Variants in DAB1 observed in about 807,000 individuals in gnomAD.
DAB1 encodes DAB adaptor protein 1.
DAB1 carries 15 observed loss-of-function variants against 64.6 expected under a neutral mutation model. The observed-to-expected ratio is 0.23, with a 90% CI of 0.16 to 0.36. The LOEUF (loss-of-function observed/expected upper bound fraction) is 0.36, where lower values mean the gene tolerates loss of function less well. Among genes scored for constraint, DAB1 ranks in the 10% least tolerant of loss-of-function variants. The pLI, the probability that DAB1 is intolerant of heterozygous loss-of-function variation, is 1.00. For missense variants in DAB1, 596 were observed against 706.7 expected, an observed-to-expected ratio of 0.84 and a Z score of 1.78; for synonymous variants, 235 against 251.9, an observed-to-expected ratio of 0.93 and a Z score of 0.64.
At position 57,129,986 on chromosome 1, in the gene DAB1, G is replaced by T. The variant is rs141568855; in HGVS notation, c.306+6557C>A. ...GATTAGCATCTGTGTCACATGCCAG[G>T]GTTTCCTATGCCAGGCCTGGCCGAT... is the stretch of plus-strand genomic sequence containing the variant. On this transcript the variant is annotated intron_variant, in intron 4 of 14. Coordinates refer to ENST00000371236, the MANE Select transcript of DAB1 (RefSeq NM_001365792.1). Among the ~76,000 whole-genome samples, 792 of 151,854 alleles carry T rather than the reference G, an allele frequency of 5.2e-3. 2 individuals carry two copies. Among genetic ancestry groups the T allele is most frequent in the South Asian group, 0.011 (51 of 4,800 alleles).
intron 7 of DAB1, among the ~76,000 whole-genome samples, chr1:57,520,592 A>G (rs993350155): frequency 6.6e-6 from 1 of 152,160 alleles, no homozygotes; most frequent in Non-Finnish European, 1.5e-5. Context: ...TATTTGAAAA[A>G]AATGTCTATT....
intron 3 of DAB1, among the ~76,000 whole-genome samples, chr1:58,482,268 T>C (rs991401686): frequency 6.6e-6 from 1 of 152,112 alleles, no homozygotes; most frequent in African/African-American, 2.4e-5. Flanking sequence ...AAATTGAAGT[T>C]AGAATGTAGC....
At chr1:57,751,880 C>T (rs1430082484) in intron 6 of DAB1, among the ~76,000 whole-genome samples, 1 of 149,550 alleles carries the variant, frequency 6.7e-6, no homozygotes, top group Non-Finnish European at 1.5e-5. Flanking sequence ...CCTGTTTCCT[C>T]CCTGGAGAAT....
chr1:58,303,668 G>A (rs1662225252), intron 4 of DAB1, among the ~76,000 whole-genome samples: 1 of 152,182 alleles, frequency 6.6e-6, no homozygotes. Context: ...GCAGGACTGA[G>A]CCTCCAGGTG....
chr1:57,551,805 GC>G (rs1358978321), intron 7 of DAB1, among the ~76,000 whole-genome samples: 9 of 152,104 alleles, frequency 5.9e-5, no homozygotes, highest in Admixed American at 5.9e-4. Context: ...TAATTTACAA[GC>G]AAAAAGTGTC....
chr1:57,598,652 G>A (rs1252200754), intron 7 of DAB1, among the ~76,000 whole-genome samples: 1 of 152,158 alleles, frequency 6.6e-6, no homozygotes, highest in Non-Finnish European at 1.5e-5. Context: ...TGGTGGGCTG[G>A]CTGTATGGGC....
At chr1:57,485,347 G>A (rs1467991666) in intron 7 of DAB1, among the ~76,000 whole-genome samples, 2 of 152,160 alleles carry the variant, frequency 1.3e-5, no homozygotes, top group Non-Finnish European at 2.9e-5. Flanking sequence ...AACTCTGAAT[G>A]TATTACTTAC....
intron 6 of DAB1, among the ~76,000 whole-genome samples, chr1:57,690,701 G>GT (rs1213536011): frequency 6.6e-6 from 1 of 152,076 alleles, no homozygotes; most frequent in South Asian, 2.1e-4. Flanking sequence ...CCGATTTTTA[G>GT]TTTTTTTAAG....
intron 6 of DAB1, among the ~76,000 whole-genome samples, chr1:57,707,147 G>A (rs1052694481): frequency 6.6e-6 from 1 of 151,858 alleles, no homozygotes; most frequent in Middle Eastern, 3.4e-3. Context: ...CCATCCTCAC[G>A]CCCTCCTACC....
chr1:57,555,628 A>T (rs1644979622), intron 7 of DAB1, among the ~76,000 whole-genome samples: 1 of 152,152 alleles, frequency 6.6e-6, no homozygotes, highest in Admixed American at 6.5e-5. Flanking sequence ...CAGAGAAAGG[A>T]AAAGCCATGG....
At chr1:57,494,626 G>A (rs1644207911) in intron 7 of DAB1, among the ~76,000 whole-genome samples, 1 of 152,150 alleles carries the variant, frequency 6.6e-6, no homozygotes, top group African/African-American at 2.4e-5. Context: ...GTATAAGTAG[G>A]CAAACATCTT....
chr1:57,483,333 T>C (rs1385308409), intron 7 of DAB1, among the ~76,000 whole-genome samples: 1 of 152,162 alleles, frequency 6.6e-6, no homozygotes, highest in East Asian at 1.9e-4. Flanking sequence ...GGGGTGGTTT[T>C]CTCATACTAT....
Position 57,245,998 on chromosome 1 carries a change from AC to A in DAB1, c.67+44965del, listed in dbSNP as rs1286227729. ...AAGAAAGAGATGGTCTGAAATAGGA[AC>A]TTATATTTAAAAGGGAAGAAGAGCA... is the stretch of plus-strand genomic sequence containing the variant. On this transcript the variant is annotated intron_variant, in intron 2 of 14. Transcript: ENST00000371236. 1.1e-4 allele frequency among the ~76,000 whole-genome samples: 16 copies of A among 152,320 alleles called. 1 individual carries two copies. The highest frequency in any genetic ancestry group is 3.8e-4 in the African/African-American group (16 of 41,586).
chr1:58,518,289 A>G (rs1170656922), intron 2 of DAB1, among the ~76,000 whole-genome samples: 16 of 26,540 alleles, frequency 6.0e-4, no homozygotes, highest in Non-Finnish European at 9.7e-4. Flanking sequence ...AGAAGAGAAG[A>G]GAAGAGAAGA....
rs180704090 is a variant in DAB1 at position 57,976,128 on chromosome 1, C to T, written n.388-91966G>A. On this transcript the variant is annotated intron_variant and non_coding_transcript_variant, in intron 5 of 20. Coordinates refer to the DAB1 transcript ENST00000485760. The stretch of plus-strand genomic sequence containing the variant: ...CCTTGGGACCAGGAGCTTCAGACTT[C>T]GTGGACTAGGTTGAAATTTTAAAGA... 5.3e-5 allele frequency among the ~76,000 whole-genome samples: 8 copies of T among 152,270 alleles called. No homozygotes were observed. In the East Asian group the frequency reaches 1.2e-3, roughly 22 times the overall value.
chr1:57,538,463 C>A (rs1428490327), intron 7 of DAB1, among the ~76,000 whole-genome samples: 2 of 152,150 alleles, frequency 1.3e-5, no homozygotes, highest in African/African-American at 2.4e-5. Flanking sequence ...GGAATTTTGA[C>A]CAGCAGCAGG....
intron 4 of DAB1, among the ~76,000 whole-genome samples, chr1:57,110,259 T>C (rs1655537041): frequency 6.6e-6 from 1 of 152,224 alleles, no homozygotes; most frequent in African/African-American, 2.4e-5. Context: ...AGTGTTCTAA[T>C]GGTACAAAAT....
chr1:57,754,037 CACT>C (rs1648677634), intron 6 of DAB1, among the ~76,000 whole-genome samples: 1 of 152,114 alleles, frequency 6.6e-6, no homozygotes, highest in Non-Finnish European at 1.5e-5. Flanking sequence ...TGGGTCACAC[CACT>C]GTCAGAGGCA....
chr1:57,365,334 AATATAT>A (rs1189645311), intron 1 of DAB1, among the ~76,000 whole-genome samples: 1 of 142,722 alleles, frequency 7.0e-6, no homozygotes, highest in Non-Finnish European at 1.5e-5. Flanking sequence ...TTATATAAAG[AATATAT>A]ATAAATATAT....
Sources: allele counts gnomAD v4.1 joint callset (sites outside exome capture counted in the v4.1 genomes callset), GRCh38; gene constraint gnomAD v4.1.1; transcripts MANE v1.5; gene names NCBI Gene and HGNC (gene_info 2026-07-23, HGNC 2026-07-21).